The following DLC1 variants were observed in gnomAD, a reference collection of about 807,000 sequenced individuals.
The protein encoded by DLC1 is rho GTPase-activating protein 7.
Under a neutral mutation model 140.3 loss-of-function variants are expected in DLC1, and 54 were observed. That is an observed-to-expected ratio of 0.38 (90% CI 0.31 to 0.48). The LOEUF (loss-of-function observed/expected upper bound fraction) is 0.48. Among genes scored for constraint, DLC1 ranks in the 20% least tolerant of loss-of-function variants. The pLI is 0.96. For missense variants in DLC1, 2,536 were observed against 1,907.0 expected, an observed-to-expected ratio of 1.33 and a Z score of -6.14; for synonymous variants, 986 against 728.1, an observed-to-expected ratio of 1.35 and a Z score of -5.70.
At chr8:13,441,428 T>C (rs1381702135) in intron 2 of DLC1, among the ~76,000 whole-genome samples, 1 of 152,234 alleles carries the variant, frequency 6.6e-6, no homozygotes, top group African/African-American at 2.4e-5. Flanking sequence ...TGTCCCTGTT[T>C]GCAGACAACA....
intron 4 of DLC1, among the ~76,000 whole-genome samples, chr8:13,328,026 T>G (rs1833442023): frequency 6.6e-6 from 1 of 152,164 alleles, no homozygotes; most frequent in Admixed American, 6.5e-5. Context: ...AGCTAGGATC[T>G]TAAAATAGAA....
intron 2 of DLC1, among the ~76,000 whole-genome samples, chr8:13,443,170 C>A: frequency 8.2e-6 from 1 of 121,696 alleles, no homozygotes; most frequent in Non-Finnish European, 1.6e-5. Flanking sequence ...CACATGGACA[C>A]AGGAAGGGAA....
In DLC1 at chr8:13,534,683, G is replaced by C. The variant is rs915158405; in HGVS notation, c.-125-34487C>G. 2.0e-5 allele frequency among the ~76,000 whole-genome samples: 3 copies of C among 152,190 alleles called. No individual in the cohort carries two copies. In the South Asian group the frequency reaches 6.2e-4, roughly 31 times the overall value. On this transcript the variant is annotated intron_variant, in intron 1 of 1. Coordinates refer to the DLC1 transcript ENST00000631382. ...AAAATTCACCGGGTGCTGTTTGCCT[G>C]TCATTCGCGTGGCCAGAGCCAGCTG...
intron 5 of DLC1, among the ~76,000 whole-genome samples, chr8:13,215,043 G>T (rs1360517010): frequency 6.6e-6 from 1 of 152,102 alleles, no homozygotes; most frequent in Non-Finnish European, 1.5e-5. Context: ...AATAATTATA[G>T]AGGCTACCAT....
intron 5 of DLC1, among the ~76,000 whole-genome samples, chr8:13,171,680 G>A (rs1015282018): frequency 3.9e-5 from 6 of 152,098 alleles, no homozygotes; most frequent in African/African-American, 1.4e-4. Flanking sequence ...GAACCACCAC[G>A]GCCGGCCCAC....
chr8:13,311,755 A>G (rs764672317), intron 4 of DLC1, among the ~76,000 whole-genome samples: 4 of 152,162 alleles, frequency 2.6e-5, no homozygotes, highest in Admixed American at 6.5e-5. Context: ...TTCTTAAGAG[A>G]TATTTTGGTG....
At chr8:13,391,263 A>G (rs944135810) in intron 4 of DLC1, among the ~76,000 whole-genome samples, 1 of 152,186 alleles carries the variant, frequency 6.6e-6, no homozygotes, top group Non-Finnish European at 1.5e-5. Flanking sequence ...GTGAAGGCTG[A>G]GTCAACTGCA....
intron 1 of DLC1, among the ~76,000 whole-genome samples, chr8:13,531,441 C>G (rs774538982): frequency 4.6e-5 from 7 of 152,082 alleles, no homozygotes; most frequent in Non-Finnish European, 8.8e-5. Context: ...CAAAAATTAG[C>G]TGAGCATGGT....
chr8:13,585,550 C>G (rs1054910152), intron 1 of DLC1, among the ~76,000 whole-genome samples: 9 of 152,190 alleles, frequency 5.9e-5, no homozygotes. Flanking sequence ...CAAAGTGCCA[C>G]CAACTGGATG....
At chr8:13,132,331 TC>T in intron 5 of DLC1, among the ~76,000 whole-genome samples, 1 of 151,476 alleles carries the variant, frequency 6.6e-6, no homozygotes, top group East Asian at 2.0e-4. Flanking sequence ...AACCGAGACT[TC>T]CCTGGCCAGG....
At chr8:13,567,170 A>G (rs1330264220) in intron 1 of DLC1, 2 of 1,551,720 alleles carry the variant, frequency 1.3e-6, no homozygotes, top group Non-Finnish European at 8.7e-7. Flanking sequence ...AGGGAAAAGC[A>G]GACTCCAAGC....
intron 5 of DLC1, among the ~76,000 whole-genome samples, chr8:13,131,567 A>T (rs975371596): frequency 6.8e-6 from 1 of 146,274 alleles, no homozygotes; most frequent in African/African-American, 2.4e-5. Context: ...AAAGGTGGGG[A>T]GTGGGACGAA....
intron 1 of DLC1, among the ~76,000 whole-genome samples, chr8:13,589,878 C>T (rs549365248): frequency 6.6e-6 from 1 of 151,224 alleles, no homozygotes; most frequent in East Asian, 1.9e-4. Flanking sequence ...TATGTATAAA[C>T]CTAGTGTTTT....
At chr8:13,317,829 T>A (rs1832917517) in intron 4 of DLC1, among the ~76,000 whole-genome samples, 3 of 152,220 alleles carry the variant, frequency 2.0e-5, no homozygotes, top group Admixed American at 2.0e-4. Context: ...TAAGTTGTAG[T>A]CAAGAGTCCA....
At chr8:13,506,425 C>A (rs1461233068) in intron 1 of DLC1, among the ~76,000 whole-genome samples, 2 of 151,322 alleles carry the variant, frequency 1.3e-5, no homozygotes, top group Non-Finnish European at 2.9e-5. Flanking sequence ...TTACTTCTTC[C>A]TTAGATAGCT....
At chr8:13,394,541 A>G (rs529419629) in intron 3 of DLC1, among the ~76,000 whole-genome samples, 2 of 152,296 alleles carry the variant, frequency 1.3e-5, no homozygotes, top group South Asian at 2.1e-4. Flanking sequence ...GTTTGGTTGC[A>G]CAGAGGAAAG....
chr8:13,115,471 TAA>T lies in DLC1; in HGVS notation c.1420+113_1420+114del, dbSNP rs756304009. 345 of 1,049,876 alleles carry T rather than the reference TAA, an allele frequency of 3.3e-4. 1 individual carries two copies. The highest frequency in any genetic ancestry group is 1.4e-3 in the South Asian group (72 of 50,050). 65.0% of individuals were successfully genotyped at this position (1,049,876 alleles called of 1,614,324 possible). A position where few individuals can be genotyped will look rare whatever the true frequency, so the allele number is the denominator to read the frequency against. ...TCTTGCATGCTTACAACATTTTTTT[TAA>T]AAATAAAACATTTAAACGATAAAAC... On this transcript the variant is annotated intron_variant, in intron 6 of 17. Coordinates refer to ENST00000276297, the MANE Select transcript of DLC1 (RefSeq NM_182643.3).
chr8:13,413,256 A>ATTTTTTTTT lies in DLC1; in HGVS notation c.1024-11646_1024-11638dup, dbSNP rs58038503. On this transcript the variant is annotated intron_variant, in intron 2 of 17. Coordinates refer to ENST00000276297, the MANE Select transcript of DLC1 (RefSeq NM_182643.3). ...TAAAACATTATGAGATTTTTTTGCG[A>ATTTTTTTTT]TTTTTTTTTTTTTTTTTTTTTAGCT... 4.6e-3 allele frequency among the ~76,000 whole-genome samples: 377 copies of ATTTTTTTTT among 81,986 alleles called. 42 individuals are homozygous for ATTTTTTTTT. The highest frequency in any genetic ancestry group is 0.017 in the African/African-American group (343 of 19,846). 53.8% of individuals were successfully genotyped at this position (81,986 alleles called of 152,430 possible). A position where few individuals can be genotyped will look rare whatever the true frequency, so the allele number is the denominator to read the frequency against.
intron 5 of DLC1, among the ~76,000 whole-genome samples, chr8:13,175,828 C>G (rs915295276): frequency 1.3e-5 from 2 of 152,184 alleles, no homozygotes; most frequent in Non-Finnish European, 2.9e-5. Context: ...CAGAACTGTT[C>G]TCTCACCAAA....
Sources: gnomAD v4.1 joint callset for allele counts (sites outside exome capture counted in the v4.1 genomes callset) on GRCh38, gnomAD v4.1.1 for gene constraint, MANE v1.5 for transcripts, NCBI Gene and HGNC (gene_info 2026-07-23, HGNC 2026-07-21) for gene names.